Variants in MGST1 observed in about 807,000 individuals in gnomAD.
MGST1 encodes the protein microsomal glutathione S-transferase 1.
Under a neutral mutation model 8.9 loss-of-function variants are expected in MGST1, and 5 were observed. The ratio of observed to expected loss-of-function variants is 0.56; its 90% CI spans 0.29 to 1.19. The LOEUF is 1.19. MGST1 is among the 50% of genes most tolerant of loss of function. MGST1 has a pLI of 0.08. For missense variants in MGST1, 182 were observed against 187.4 expected (o/e 0.97, Z 0.17); for synonymous variants, 54 against 67.8 (o/e 0.80, Z 1.00).
intron 1 of MGST1, among the ~76,000 whole-genome samples, chr12:16,425,723 C>T (rs1473190131): frequency 6.6e-6 from 1 of 152,202 alleles, no homozygotes. Context: ...AATCTCAGAG[C>T]TCCCCTGTTC....
chr12:16,448,399 T>C (rs1941099294), intron 4 of MGST1, among the ~76,000 whole-genome samples: 1 of 151,700 alleles, frequency 6.6e-6, no homozygotes, highest in Non-Finnish European at 1.5e-5. Context: ...ATCTGGAGGA[T>C]AGGGTTAATT....
At position 16,389,279 on chromosome 12, in the gene MGST1, C is replaced by T. The variant is rs989262414; in HGVS notation, n.778+5675C>T. On this transcript the variant is annotated intron_variant and non_coding_transcript_variant, in intron 1 of 1. Transcript: ENST00000359720. The surrounding 1 kb of genome is among the most constrained non-coding windows in gnomAD (Gnocchi z 4.6). ...TACTCGATGCATCAACAGTTTGTATCTCAACAGTCATTTATTGAGCCAGTT... is the reference window on the plus strand; with the variant it reads ...TACTCGATGCATCAACAGTTTGTATTTCAACAGTCATTTATTGAGCCAGTT... Among the ~76,000 whole-genome samples, 3 of 152,198 alleles carry T rather than the reference C, an allele frequency of 2.0e-5. No individual in the cohort carries two copies. Among genetic ancestry groups the T allele is most frequent in the Non-Finnish European group, 4.4e-5 (3 of 68,042 alleles).
chr12:16,471,504 T>C (rs1168776319), intron 4 of MGST1, among the ~76,000 whole-genome samples: 1 of 152,238 alleles, frequency 6.6e-6, no homozygotes, highest in East Asian at 1.9e-4. Context: ...AATACTCTTA[T>C]GGGACTAACA....
In MGST1 at chr12:16,362,594, A is replaced by T. The variant is rs1565438432; in HGVS notation, c.222-1201A>T. The T allele has an allele frequency of 6.6e-6, 1 of 152,192 alleles. No individual in the cohort carries two copies. Among genetic ancestry groups the T allele is most frequent in the Non-Finnish European group, 1.5e-5 (1 of 68,032 alleles). 9.4% of individuals were successfully genotyped at this position (152,192 alleles called of 1,614,324 possible). ...ATCAAATTCTCCATTTCTAGCCTAGATTCTAAAGCAATTTCTAATTCTGTA... is the reference window on the plus strand; with the variant it reads ...ATCAAATTCTCCATTTCTAGCCTAGTTTCTAAAGCAATTTCTAATTCTGTA... On this transcript the variant is annotated intron_variant, in intron 3 of 3. Coordinates refer to ENST00000396210, the MANE Select transcript of MGST1 (RefSeq NM_020300.5). This position sits in a 1 kb window ranked among gnomAD's most constrained non-coding sequence, Gnocchi z 4.4.
chr12:16,387,248 T>A (rs540703024), intron 1 of MGST1, among the ~76,000 whole-genome samples: 56 of 152,282 alleles, frequency 3.7e-4, no homozygotes, highest in African/African-American at 1.3e-3. Context: ...TGGTCAATGA[T>A]GGAGCATATA....
chr12:16,485,060 A>G (rs141341761), intron 4 of MGST1, among the ~76,000 whole-genome samples: 258 of 152,292 alleles, frequency 1.7e-3, no homozygotes, highest in African/African-American at 6.2e-3. Context: ...TCAATCCCAT[A>G]GTTGTTTTCA....
At chr12:16,383,061 A>G (rs1425814725) in exon 1 of MGST1, 2 of 152,616 alleles carry the variant, frequency 1.3e-5, no homozygotes, top group East Asian at 3.8e-4. Context: ...TTCTTTGACT[A>G]GGAAAGGGAA....
intron 4 of MGST1, among the ~76,000 whole-genome samples, chr12:16,521,175 T>A (rs1014497516): frequency 2.0e-5 from 3 of 152,128 alleles, no homozygotes; most frequent in Non-Finnish European, 4.4e-5. Context: ...GCAGCTGCTT[T>A]ATTTTTTCCT....
At chr12:16,487,826 C>A (rs1416955762) in intron 4 of MGST1, among the ~76,000 whole-genome samples, 1 of 151,896 alleles carries the variant, frequency 6.6e-6, no homozygotes, top group Non-Finnish European at 1.5e-5. Context: ...TTTTAAAGTT[C>A]TTTTGTTTTG....
At chr12:16,573,426 CGT>C (rs1301974670) in intron 4 of MGST1, 1 of 152,074 alleles carries the variant, frequency 6.6e-6, no homozygotes, top group Non-Finnish European at 1.5e-5. Context: ...TATTTGAACG[CGT>C]GTGTGCGTGT....
chr12:16,415,115 C>A (rs1274699743), intron 1 of MGST1, among the ~76,000 whole-genome samples: 1 of 152,172 alleles, frequency 6.6e-6, no homozygotes, highest in East Asian at 1.9e-4. Flanking sequence ...TTAAAAGCCA[C>A]ATTTGCATTT....
intron 1 of MGST1, among the ~76,000 whole-genome samples, chr12:16,432,424 C>T (rs990875735): frequency 6.6e-6 from 1 of 151,876 alleles, no homozygotes; most frequent in African/African-American, 2.4e-5. Context: ...TACTTATGGT[C>T]AGTGGGTGAA....
chr12:16,493,238 C>T (rs1941450551), intron 4 of MGST1, among the ~76,000 whole-genome samples: 1 of 152,154 alleles, frequency 6.6e-6, no homozygotes, highest in African/African-American at 2.4e-5. Flanking sequence ...TTATGCCAGC[C>T]AGACTGGAGC....
chr12:16,592,411 C>T (rs1943522041), downstream of MGST1, among the ~76,000 whole-genome samples: 1 of 151,926 alleles, frequency 6.6e-6, no homozygotes, highest in Non-Finnish European at 1.5e-5. Flanking sequence ...TTTGTATCTC[C>T]CAAAGTGCAA....
chr12:16,416,093 T>C (rs918954489), intron 1 of MGST1, among the ~76,000 whole-genome samples: 8 of 152,164 alleles, frequency 5.3e-5, no homozygotes, highest in African/African-American at 1.9e-4. Context: ...GGCCTACCAT[T>C]TTCATTTGGT....
At chr12:16,454,514 A>T (rs1365945187) in intron 4 of MGST1, among the ~76,000 whole-genome samples, 1 of 151,476 alleles carries the variant, frequency 6.6e-6, no homozygotes, top group Non-Finnish European at 1.5e-5. Flanking sequence ...CATTTTAAAG[A>T]TGAGGAAGAA....
At chr12:16,467,274 A>G (rs1035299671) in intron 4 of MGST1, among the ~76,000 whole-genome samples, 3 of 152,238 alleles carry the variant, frequency 2.0e-5, no homozygotes, top group Non-Finnish European at 4.4e-5. Context: ...AGTACAATTC[A>G]GACAACTTGT....
At chr12:16,573,206 ATAT>A (rs1418527904) in intron 4 of MGST1, among the ~76,000 whole-genome samples, 6 of 152,174 alleles carry the variant, frequency 3.9e-5, no homozygotes, top group African/African-American at 1.2e-4. Flanking sequence ...TCATATTAAC[ATAT>A]TATTCATATA....
chr12:16,456,951 C>T (rs1941178503), intron 4 of MGST1, among the ~76,000 whole-genome samples: 1 of 151,962 alleles, frequency 6.6e-6, no homozygotes, highest in Non-Finnish European at 1.5e-5. Flanking sequence ...AGCTCTCCCT[C>T]TCTTTGGTTT....
Sources: gnomAD v4.1 joint callset for allele counts (sites outside exome capture counted in the v4.1 genomes callset) on GRCh38, gnomAD v4.1.1 for gene constraint, Gnocchi (gnomAD v3.1) non-coding constraint, MANE v1.5 for transcripts, NCBI Gene and HGNC (gene_info 2026-07-23, HGNC 2026-07-21) for gene names.